The following KTN1 variants were observed in gnomAD, a reference collection of about 807,000 sequenced individuals.
KTN1 encodes kinectin 1.
KTN1 carries 130 observed loss-of-function variants against 222.5 expected under a neutral mutation model. The ratio of observed to expected loss-of-function variants is 0.58; its 90% CI spans 0.51 to 0.68. KTN1 has a LOEUF of 0.68. Ranked by LOEUF, KTN1 falls within the 30% of genes least tolerant of loss-of-function variation. KTN1 has a pLI of 0.00. For missense variants in KTN1, 1,508 were observed against 1,500.4 expected, an observed-to-expected ratio of 1.01 and a Z score of -0.08; for synonymous variants, 512 against 496.3, an observed-to-expected ratio of 1.03 and a Z score of -0.42.
At chr14:55,591,657 C>T (rs1398850250) in intron 1 of KTN1, among the ~76,000 whole-genome samples, 1 of 132,182 alleles carries the variant, frequency 7.6e-6, no homozygotes. Context: ...GATGCGATCT[C>T]TGCTCACTGC....
At chr14:55,588,824 G>A (rs192202362) in intron 1 of KTN1, among the ~76,000 whole-genome samples, 1 of 152,004 alleles carries the variant, frequency 6.6e-6, no homozygotes, top group East Asian at 1.9e-4. Context: ...TATATTTTAT[G>A]GTAGTAAATT....
intron 2 of KTN1, among the ~76,000 whole-genome samples, chr14:55,615,483 C>T (rs1014581235): frequency 2.0e-5 from 3 of 149,502 alleles, no homozygotes; most frequent in Non-Finnish European, 4.4e-5. Context: ...CGATATTTAT[C>T]TTTTTGTCAC....
chr14:55,597,950 A>G (rs2140431070), intron 1 of KTN1, among the ~76,000 whole-genome samples: 1 of 152,316 alleles, frequency 6.6e-6, no homozygotes, highest in East Asian at 1.9e-4. Context: ...TCAGGCTTTC[A>G]CCATTTAATT....
intron 1 of KTN1, among the ~76,000 whole-genome samples, chr14:55,598,201 C>T (rs868141792): frequency 2.6e-5 from 4 of 152,040 alleles, no homozygotes; most frequent in African/African-American, 9.6e-5. Context: ...TTTGGGAGGC[C>T]GAAGCGGGCG....
At chr14:55,608,624 CTTTTT>C (rs575646665) in intron 1 of KTN1, among the ~76,000 whole-genome samples, 7 of 138,996 alleles carry the variant, frequency 5.0e-5, no homozygotes, top group African/African-American at 1.8e-4. Flanking sequence ...TTGCTGTGAA[CTTTTT>C]TTTTTTTTTT....
intron 22 of KTN1, among the ~76,000 whole-genome samples, chr14:55,650,126 G>A (rs2042795308): frequency 6.6e-6 from 1 of 152,068 alleles, no homozygotes. Context: ...GCACTTAACT[G>A]ACTTCTTGTG....
chr14:55,646,083 C>T (rs2042249894), intron 18 of KTN1, among the ~76,000 whole-genome samples: 1 of 151,906 alleles, frequency 6.6e-6, no homozygotes, highest in Non-Finnish European at 1.5e-5. Flanking sequence ...AGGGAGAAAT[C>T]CCACTTTGGA....
At chr14:55,643,531 A>G (rs930519726) in intron 18 of KTN1, among the ~76,000 whole-genome samples, 10 of 152,200 alleles carry the variant, frequency 6.6e-5, no homozygotes, top group Non-Finnish European at 1.3e-4. Context: ...TAACCAGTGT[A>G]TGAAGTTTTA....
chr14:55,658,676 C>CAT, intron 30 of KTN1, 62 bp downstream of exon 30: 1 of 927,404 alleles, frequency 1.1e-6, no homozygotes, highest in South Asian at 1.5e-5. Context: ...TAACCAGTGA[C>CAT]ATATGAGTAT....
At chr14:55,637,942 C>T (rs1393701589) in intron 12 of KTN1, 95 bp downstream of exon 12, 11 of 845,716 alleles carry the variant, frequency 1.3e-5, no homozygotes, top group Non-Finnish European at 1.5e-5. Context: ...GGATTAATAG[C>T]TGGGAGACTA....
At chr14:55,595,471 C>T (rs1206227750) in intron 1 of KTN1, among the ~76,000 whole-genome samples, 1 of 152,204 alleles carries the variant, frequency 6.6e-6, no homozygotes. Context: ...CAGAGTAACA[C>T]AGGATAATAC....
chr14:55,594,126 A>G (rs1320903548), intron 1 of KTN1, among the ~76,000 whole-genome samples: 1 of 152,200 alleles, frequency 6.6e-6, no homozygotes, highest in Non-Finnish European at 1.5e-5. Flanking sequence ...CAAAAGTAAT[A>G]TTTCACACTA....
chr14:55,595,936 T>C (rs185987459), intron 1 of KTN1, among the ~76,000 whole-genome samples: 3 of 151,976 alleles, frequency 2.0e-5, no homozygotes, highest in Non-Finnish European at 2.9e-5. Context: ...GGGCGGATCA[T>C]GAGGTCAGGA....
intron 1 of KTN1, chr14:55,607,297 A>T (rs1482801055): frequency 6.6e-6 from 1 of 152,190 alleles, no homozygotes; most frequent in South Asian, 2.1e-4. Context: ...ACTCTGACGA[A>T]ACACGACTTA....
chr14:55,581,948 C>T (rs2031764908), intron 1 of KTN1, among the ~76,000 whole-genome samples: 1 of 150,464 alleles, frequency 6.6e-6, no homozygotes, highest in African/African-American at 2.5e-5. Flanking sequence ...CCTGAAATAG[C>T]TGGGTCTGTT....
intron 33 of KTN1, among the ~76,000 whole-genome samples, chr14:55,666,209 G>T (rs1479061399): frequency 2.0e-5 from 3 of 151,918 alleles, no homozygotes; most frequent in Non-Finnish European, 4.4e-5. Context: ...TGTAGCTGTT[G>T]TGTAAATTTT....
intron 1 of KTN1, among the ~76,000 whole-genome samples, chr14:55,583,688 G>A (rs1001416106): frequency 1.1e-4 from 17 of 152,032 alleles, no homozygotes; most frequent in Non-Finnish European, 2.1e-4. Flanking sequence ...ATCTTATCCA[G>A]TGTCATGGTT....
At chr14:55,605,080 C>T (rs184498360) in intron 1 of KTN1, among the ~76,000 whole-genome samples, 97 of 152,238 alleles carry the variant, frequency 6.4e-4, no homozygotes, top group African/African-American at 2.2e-3. Flanking sequence ...TTTATGGAAC[C>T]TTCCAGGCAT....
Position 55,630,035 on chromosome 14 carries a change from CATA to C in KTN1, c.1162_1164del (p.Asn388del). On this transcript the variant is annotated inframe_deletion, in exon 7 of 44. Coordinates refer to ENST00000395314, the MANE Select transcript of KTN1 (RefSeq NM_001079521.2). Reference sequence around the variant, plus strand: ...TCGAATTGGAACATTAGAAAAGGAACATAATGTATTTCAAAACAAAATACATGT... The same window carrying C: ...TCGAATTGGAACATTAGAAAAGGAACATGTATTTCAAAACAAAATACATGT... The C allele has an allele frequency of 6.3e-7, 1 of 1,599,578 alleles. No homozygotes were observed. Among genetic ancestry groups the C allele is most frequent in the Non-Finnish European group, 8.6e-7 (1 of 1,166,794 alleles).
Sources: gnomAD v4.1 joint callset for allele counts (sites outside exome capture counted in the v4.1 genomes callset) on GRCh38, gnomAD v4.1.1 for gene constraint, MANE v1.5 for transcripts, NCBI Gene and HGNC (gene_info 2026-07-23, HGNC 2026-07-21) for gene names.